Variants in ABHD2 observed in about 807,000 individuals in gnomAD.
ABHD2 encodes monoacylglycerol lipase ABHD2.
Under a neutral mutation model 48.1 loss-of-function variants are expected in ABHD2, and 20 were observed. The observed-to-expected ratio is 0.42, with a 90% CI of 0.29 to 0.60. The LOEUF is 0.60. ABHD2 is among the 20% of genes least tolerant of loss of function. ABHD2 has a pLI of 0.24. For missense variants in ABHD2, 405 were observed against 550.9 expected, an observed-to-expected ratio of 0.74 and a Z score of 2.65; for synonymous variants, 209 against 214.2, an observed-to-expected ratio of 0.98 and a Z score of 0.21.
chr15:89,139,052 CA>C (rs201829439), intron 3 of ABHD2, among the ~76,000 whole-genome samples: 50 of 147,752 alleles, frequency 3.4e-4, no homozygotes, highest in Non-Finnish European at 1.2e-4. Context: ...CCTGTCTCTA[CA>C]AAAAAAAATT....
intron 3 of ABHD2, among the ~76,000 whole-genome samples, chr15:89,135,161 T>TTTTG (rs2050285687): frequency 6.7e-6 from 1 of 149,796 alleles, no homozygotes; most frequent in Non-Finnish European, 1.5e-5. Flanking sequence ...TTTTTTTTTT[T>TTTTG]GCAATTACAG....
At chr15:89,135,563 C>G in intron 3 of ABHD2, 12 of 1,461,260 alleles carry the variant, frequency 8.2e-6, no homozygotes, top group Non-Finnish European at 1.1e-5. Flanking sequence ...TCATCTTCAT[C>G]TTCCTCCTCC....
intron 1 of ABHD2, among the ~76,000 whole-genome samples, chr15:89,090,943 G>C (rs937418258): frequency 6.6e-6 from 1 of 152,210 alleles, no homozygotes; most frequent in Non-Finnish European, 1.5e-5. Flanking sequence ...CACCAGCAGC[G>C]CCTGCCTGGC....
At chr15:89,135,143 CTTT>C (rs3049683) in intron 3 of ABHD2, among the ~76,000 whole-genome samples, 2 of 112,178 alleles carry the variant, frequency 1.8e-5, no homozygotes, top group Non-Finnish European at 3.8e-5. Context: ...ACAACTTTTT[CTTT>C]TTTTTTTTTT....
chr15:89,063,659 T>C, the ABHD2 span, among the ~76,000 whole-genome samples: 1 of 152,142 alleles, frequency 6.6e-6, no homozygotes, highest in Admixed American at 6.5e-5. Flanking sequence ...AAATTTACCA[T>C]TTTAAGCATG....
chr15:89,069,989 TGTATC>T, the ABHD2 span: 1 of 152,176 alleles, frequency 6.6e-6, no homozygotes, highest in Admixed American at 6.5e-5. Flanking sequence ...TATTTACTCT[TGTATC>T]ATGAAGAAAG....
chr15:89,163,916 C>T (rs1246194741), intron 5 of ABHD2, among the ~76,000 whole-genome samples: 1 of 152,212 alleles, frequency 6.6e-6, no homozygotes, highest in Non-Finnish European at 1.5e-5. Flanking sequence ...CAAACACAGG[C>T]AGTCTCGCAG....
rs1305756570 is a variant in ABHD2, at chr15:89,195,071, C to G, written c.1082-156C>G. ...CTAGATGCCACTGTCTTGCCTGCCC[C>G]CTCTTTGGTGAACAAGGCAGAGTGA... On this transcript the variant is annotated intron_variant, in intron 10 of 10. Transcript: ENST00000352732. This position sits in a 1 kb window ranked among gnomAD's most constrained non-coding sequence, Gnocchi z 5.1. 6.6e-6 allele frequency among the ~76,000 whole-genome samples: 1 copy of G among 152,206 alleles called. No individual in the cohort carries two copies. The highest frequency in any genetic ancestry group is 1.5e-5 in the Non-Finnish European group (1 of 68,032).
upstream of ABHD2, chr15:89,087,588 T>C (rs1424431684): frequency 6.6e-6 from 1 of 152,236 alleles, no homozygotes; most frequent in Non-Finnish European, 1.5e-5. This position sits in a 1 kb window ranked among gnomAD's most constrained non-coding sequence, Gnocchi z 5.5. Context: ...TTGGCATTTA[T>C]CAGAGTTTAT....
rs915850958 is a variant in ABHD2 at position 89,104,882 on chromosome 15, A to T, written c.-106-8843A>T. Reference sequence around the variant, plus strand: ...GTATCCTTCTCTTAAAAATTCCAGTAAACTAGGCACTTGAGCTCATTGGGT... The same window carrying T: ...GTATCCTTCTCTTAAAAATTCCAGTTAACTAGGCACTTGAGCTCATTGGGT... On this transcript the variant is annotated intron_variant, in intron 1 of 10. Transcript: ENST00000352732. This position sits in a 1 kb window ranked among gnomAD's most constrained non-coding sequence, Gnocchi z 4.4. 6.6e-6 allele frequency among the ~76,000 whole-genome samples: 1 copy of T among 152,212 alleles called. No individual in the cohort carries two copies. The highest frequency in any genetic ancestry group is 1.5e-5 in the Non-Finnish European group (1 of 68,048).
the ABHD2 span, among the ~76,000 whole-genome samples, chr15:89,056,103 A>C: frequency 6.6e-6 from 1 of 151,674 alleles, no homozygotes. Context: ...TCCTCTGACC[A>C]CAGACTCCCA....
intron 3 of ABHD2, among the ~76,000 whole-genome samples, chr15:89,126,437 G>A (rs951375088): frequency 1.3e-5 from 2 of 152,142 alleles, no homozygotes; most frequent in African/African-American, 2.4e-5. Context: ...GCAGGAAATG[G>A]ACCTTGTTTT....
intron 5 of ABHD2, among the ~76,000 whole-genome samples, chr15:89,156,115 C>CTTTTTTTTT (rs1185978751): frequency 1.2e-5 from 1 of 85,660 alleles, no homozygotes. Context: ...TTTTTATTGT[C>CTTTTTTTTT]TTTTTTTTTT....
rs566549182 is a variant in ABHD2, at chr15:89,201,593, T to G, written c.*6170T>G. 82 of 1,593,424 alleles carry G rather than the reference T, an allele frequency of 5.1e-5. No individual in the cohort carries two copies. The highest frequency in any genetic ancestry group is 3.5e-4 in the Admixed American group (21 of 59,970). On this transcript the variant is annotated 3_prime_UTR_variant, in exon 11 of 11. Transcript: ENST00000352732. ...TTACTGAAACAGTCACAGTTGACCC[T>G]GGGTCAATAATTCCACTGTTGGGCC...
chr15:89,142,603 T>C (rs7173391), intron 3 of ABHD2, among the ~76,000 whole-genome samples: 115 of 152,320 alleles, frequency 7.5e-4, no homozygotes, highest in African/African-American at 2.5e-3. Context: ...ATCATGAGCC[T>C]TACTCTTGCC....
At chr15:89,057,288 G>A in the ABHD2 span, among the ~76,000 whole-genome samples, 1 of 152,174 alleles carries the variant, frequency 6.6e-6, no homozygotes, top group African/African-American at 2.4e-5. Flanking sequence ...AAGCATGTGA[G>A]TTCTGCTTGA....
chr15:89,110,221 G>A lies in ABHD2; in HGVS notation c.-106-3504G>A, dbSNP rs144581765. 1.4e-3 allele frequency among the ~76,000 whole-genome samples: 213 copies of A among 152,028 alleles called. 7 individuals are homozygous for A. In the East Asian group the frequency reaches 0.04, roughly 28 times the overall value. On this transcript the variant is annotated intron_variant, in intron 1 of 10. Coordinates refer to ENST00000352732, the MANE Select transcript of ABHD2 (RefSeq NM_152924.5). ...ATTACAGGCACGTGCCACCATACCT[G>A]GCTAATTTTTTTGTATTTTTGGTAG...
chr15:89,086,827 G>A (rs1199724838), upstream of ABHD2, among the ~76,000 whole-genome samples: 1 of 152,212 alleles, frequency 6.6e-6, no homozygotes, highest in Non-Finnish European at 1.5e-5. Context: ...TTTTAACTCA[G>A]AGTCAGGACG....
intron 3 of ABHD2, among the ~76,000 whole-genome samples, chr15:89,127,031 G>C (rs550541304): frequency 2.6e-4 from 40 of 152,326 alleles, no homozygotes; most frequent in South Asian, 1.4e-3. Flanking sequence ...GATTGGATGA[G>C]ATGCCATTGC....
Sources: gnomAD v4.1 joint callset for allele counts (sites outside exome capture counted in the v4.1 genomes callset) on GRCh38, gnomAD v4.1.1 for gene constraint, Gnocchi (gnomAD v3.1) non-coding constraint, MANE v1.5 for transcripts, NCBI Gene and HGNC (gene_info 2026-07-23, HGNC 2026-07-21) for gene names.